Variants in ENKUR observed in about 807,000 individuals in gnomAD.
ENKUR encodes enkurin.
In ENKUR, 19 loss-of-function variants were observed where a neutral mutation model predicts 27.6. The ratio of observed to expected loss-of-function variants is 0.69; its 90% CI spans 0.48 to 1.01. The LOEUF (loss-of-function observed/expected upper bound fraction) is 1.01, where lower values mean the gene tolerates loss of function less well. ENKUR is among the 50% of genes least tolerant of loss of function. The pLI, the probability that ENKUR is intolerant of heterozygous loss-of-function variation, is 0.00. For missense variants in ENKUR, 312 were observed against 310.5 expected, an observed-to-expected ratio of 1.00 and a Z score of -0.04; for synonymous variants, 117 against 96.9, an observed-to-expected ratio of 1.21 and a Z score of -1.22.
intron 2 of ENKUR, chr10:25,024,370 G>C (rs1850797832): frequency 1.2e-6 from 2 of 1,613,862 alleles, no homozygotes; most frequent in South Asian, 2.2e-5. Context: ...AGGAGACACA[G>C]GGAGTGCAGT....
chr10:25,060,134 C>T (rs868397033), intron 2 of ENKUR, among the ~76,000 whole-genome samples: 5 of 152,178 alleles, frequency 3.3e-5, no homozygotes, highest in African/African-American at 9.6e-5. Context: ...CCTGTCTGTA[C>T]GTCTGTACAA....
At chr10:25,045,903 A>T (rs1907791) in intron 2 of ENKUR, among the ~76,000 whole-genome samples, 52,186 of 152,074 alleles carry the variant, frequency 0.34, 9,231 homozygotes, top group East Asian at 0.48. Flanking sequence ...GAGCAAAAAT[A>T]AAAGGATATA....
chr10:25,020,362 A>G (rs530794440), upstream of ENKUR, among the ~76,000 whole-genome samples: 4 of 152,278 alleles, frequency 2.6e-5, no homozygotes, highest in Non-Finnish European at 5.9e-5. Flanking sequence ...ATATAGGAAA[A>G]GTAAGATTGC....
chr10:24,988,899 AG>A (rs923680489), intron 4 of ENKUR, among the ~76,000 whole-genome samples: 2 of 151,770 alleles, frequency 1.3e-5, no homozygotes, highest in African/African-American at 2.4e-5. Context: ...AGTGTGGCTC[AG>A]GGCTCGTCAG....
intron 4 of ENKUR, among the ~76,000 whole-genome samples, chr10:24,990,134 G>A (rs576823728): frequency 2.0e-5 from 3 of 151,762 alleles, no homozygotes; most frequent in Admixed American, 6.6e-5. Flanking sequence ...ACAAACTCAG[G>A]GGCATAAAAA....
At chr10:25,025,184 A>C (rs1462493487) in intron 2 of ENKUR, 1 of 1,614,214 alleles carries the variant, frequency 6.2e-7, no homozygotes, top group East Asian at 2.2e-5. Context: ...GATAGGGTGC[A>C]AGACAAAACT....
chr10:25,024,419 A>G (rs41279894), intron 2 of ENKUR: 19,915 of 1,613,960 alleles, frequency 0.012, 376 homozygotes, highest in African/African-American at 0.08. Flanking sequence ...AATGATAAGC[A>G]AAGGATAGCT....
intron 2 of ENKUR, among the ~76,000 whole-genome samples, chr10:25,037,416 C>A (rs1462123612): frequency 6.6e-6 from 1 of 152,158 alleles, no homozygotes; most frequent in Non-Finnish European, 1.5e-5. Context: ...CAGAGAAATT[C>A]TGGCTTGGAA....
intron 2 of ENKUR, among the ~76,000 whole-genome samples, chr10:25,058,954 G>C (rs1296645736): frequency 6.6e-6 from 1 of 151,152 alleles, no homozygotes; most frequent in Non-Finnish European, 1.5e-5. Context: ...AAGTAAGGAG[G>C]GGGAGACCCA....
At chr10:25,054,870 C>A (rs1851235479) in intron 2 of ENKUR, among the ~76,000 whole-genome samples, 1 of 151,956 alleles carries the variant, frequency 6.6e-6, no homozygotes, top group Non-Finnish European at 1.5e-5. Context: ...GAGACAGGGT[C>A]TTGCCATATT....
chr10:25,037,401 G>C (rs1426223123), intron 2 of ENKUR, among the ~76,000 whole-genome samples: 1 of 152,164 alleles, frequency 6.6e-6, no homozygotes, highest in Admixed American at 6.6e-5. Context: ...GATGAGAAAG[G>C]CATGCAGAGA....
At chr10:25,027,871 A>T (rs11014355) in intron 2 of ENKUR, among the ~76,000 whole-genome samples, 21,126 of 152,156 alleles carry the variant, frequency 0.14, 2,621 homozygotes, top group African/African-American at 0.34. Flanking sequence ...AAAATAAAAA[A>T]GACATGATTT....
chr10:25,059,007 G>A (rs1258652608), intron 2 of ENKUR, among the ~76,000 whole-genome samples: 2 of 151,376 alleles, frequency 1.3e-5, no homozygotes, highest in African/African-American at 4.8e-5. Context: ...CCTCCAAGAA[G>A]CAGGTGCTCA....
upstream of ENKUR, among the ~76,000 whole-genome samples, chr10:25,020,570 C>T (rs1850699803): frequency 6.6e-6 from 1 of 151,860 alleles, no homozygotes; most frequent in African/African-American, 2.4e-5. Context: ...AGTTCGAGAT[C>T]AGTCTGGGCA....
At chr10:25,060,212 G>A (rs1283580533) in intron 2 of ENKUR, among the ~76,000 whole-genome samples, 1 of 152,128 alleles carries the variant, frequency 6.6e-6, no homozygotes, top group Non-Finnish European at 1.5e-5. Context: ...AAACCCGAGG[G>A]TGACTCAGAC....
intron 1 of ENKUR, among the ~76,000 whole-genome samples, chr10:25,001,393 C>T (rs1308490906): frequency 6.6e-6 from 1 of 151,434 alleles, no homozygotes; most frequent in Non-Finnish European, 1.5e-5. Flanking sequence ...TTGGGGTTAA[C>T]TGTGATTCTT....
chr10:25,027,975 ATG>A (rs1401309238), intron 2 of ENKUR, among the ~76,000 whole-genome samples: 2 of 152,208 alleles, frequency 1.3e-5, no homozygotes, highest in Admixed American at 1.3e-4. Flanking sequence ...TAAGTGAAAA[ATG>A]AGTGATAACA....
intron 2 of ENKUR, among the ~76,000 whole-genome samples, chr10:25,052,196 A>G (rs1322825387): frequency 6.6e-6 from 1 of 152,266 alleles, no homozygotes; most frequent in East Asian, 1.9e-4. Flanking sequence ...GTGAGAAATG[A>G]TTACCTTAGT....
At chr10:25,059,066 A>G (rs1478614963) in intron 2 of ENKUR, among the ~76,000 whole-genome samples, 1 of 127,320 alleles carries the variant, frequency 7.9e-6, no homozygotes, top group Non-Finnish European at 1.6e-5. Flanking sequence ...TCCCCTTTGT[A>G]GTCTAATTTT....
Sources: allele counts gnomAD v4.1 joint callset (sites outside exome capture counted in the v4.1 genomes callset), GRCh38; gene constraint gnomAD v4.1.1; transcripts MANE v1.5; gene names NCBI Gene and HGNC (gene_info 2026-07-23, HGNC 2026-07-21).